Variants in DNAH12 observed in about 807,000 individuals in gnomAD.
DNAH12 encodes the protein axonemal beta dynein heavy chain 12.
A neutral mutation model predicts 371.5 loss-of-function variants in DNAH12; 285 were observed. The observed-to-expected ratio is 0.77, with a 90% CI of 0.70 to 0.85. DNAH12 has a LOEUF of 0.85. DNAH12 is among the 40% of genes least tolerant of loss of function. The pLI is 0.00. For missense variants in DNAH12, 3,611 were observed against 3,689.4 expected (o/e 0.98, Z 0.55); for synonymous variants, 1,200 against 1,213.0 (o/e 0.99, Z 0.22).
chr3:57,361,444 C>CACTATATATACATATATATATATA lies in DNAH12; in HGVS notation c.9360+2149_9360+2150insTATATATATATATGTATATATAGT, dbSNP rs1409626573. Reference sequence around the variant, plus strand: ...CACTATATATATATACACACACACACTATATATATATATATATATATATAT... The same window carrying CACTATATATACATATATATATATA: ...CACTATATATATATACACACACACACACTATATATACATATATATATATATATATATATATATATATATATATAT... On this transcript the variant is annotated intron_variant, in intron 58 of 73. Transcript: ENST00000495027. 4.3e-5 allele frequency among the ~76,000 whole-genome samples: 5 copies of CACTATATATACATATATATATATA among 116,722 alleles called. 1 individual carries two copies. Among genetic ancestry groups the CACTATATATACATATATATATATA allele is most frequent in the African/African-American group, 2.1e-4 (5 of 23,700 alleles). 76.6% of individuals were successfully genotyped at this position (116,722 alleles called of 152,430 possible).
chr3:57,429,585 T>C lies in DNAH12; in HGVS notation c.5064+106A>G, dbSNP rs139023878. ...CACTGTGTCTTATTCATCTTTATATTCCTAGTGCCTAACCCATTTTCTGAC... is the reference window on the plus strand; with the variant it reads ...CACTGTGTCTTATTCATCTTTATATCCCTAGTGCCTAACCCATTTTCTGAC... On this transcript the variant is annotated intron_variant, in intron 33 of 73. Transcript: ENST00000495027. 4.6e-5 allele frequency: 47 copies of C among 1,013,934 alleles called. 1 individual carries two copies. In the East Asian group the frequency reaches 1.1e-3, roughly 23 times the overall value. 62.8% of individuals were successfully genotyped at this position (1,013,934 alleles called of 1,614,324 possible).
rs551435420 is a variant in DNAH12 at position 57,510,505 on chromosome 3, T to C, written c.469+285A>G. ...AAATAAAAAAATTAGCTGGGCATAG[T>C]GGTGTGTGCCTGAAGTTCCAGGTAC... On this transcript the variant is annotated intron_variant, in intron 5 of 73. Transcript: ENST00000495027. Among the ~76,000 whole-genome samples, 99 of 151,882 alleles carry C rather than the reference T, an allele frequency of 6.5e-4. 1 individual carries two copies. The highest frequency in any genetic ancestry group is 1.1e-3 in the Non-Finnish European group (75 of 67,958).
chr3:57,547,714 AAAT>A (rs1312025428), upstream of DNAH12, among the ~76,000 whole-genome samples: 14 of 152,242 alleles, frequency 9.2e-5, no homozygotes, highest in Non-Finnish European at 8.8e-5. Flanking sequence ...CTCTGAAAGA[AAAT>A]AATAATAAAA....
At chr3:57,381,873 A>ATTT (rs1194851604) in intron 50 of DNAH12, among the ~76,000 whole-genome samples, 1 of 129,658 alleles carries the variant, frequency 7.7e-6, no homozygotes, top group African/African-American at 2.6e-5. Context: ...CCATATATAT[A>ATTT]TATTTTTTTT....
At position 57,403,507 on chromosome 3, in the gene DNAH12, A is replaced by G; in HGVS notation, c.6756-6T>C. The G allele has an allele frequency of 6.5e-7, 1 of 1,535,608 alleles. No individual in the cohort carries two copies. Among genetic ancestry groups the G allele is most frequent in the Middle Eastern group, 1.7e-4 (1 of 5,888 alleles). On this transcript the variant is annotated splice_region_variant and splice_polypyrimidine_tract_variant and intron_variant, in intron 42 of 73. Transcript: ENST00000495027. The stretch of plus-strand genomic sequence containing the variant: ...ATAAATGTTCCAAAACATACCTACC[A>G]CAAAAGAAAAATTTTATTAATGCAT...
intron 13 of DNAH12, among the ~76,000 whole-genome samples, chr3:57,481,017 G>T (rs1400185516): frequency 6.6e-6 from 1 of 152,182 alleles, no homozygotes. Context: ...CACAAGACAG[G>T]GATGCCCTCT....
At chr3:57,461,803 T>C in intron 18 of DNAH12, 114 bp from the exon 19 acceptor site, 1 of 841,806 alleles carries the variant, frequency 1.2e-6, no homozygotes, top group East Asian at 2.7e-5. Flanking sequence ...ATCATTTCCT[T>C]AAGATAATCT....
chr3:57,405,912 G>A lies in DNAH12; in HGVS notation c.6317C>T (p.Thr2106Ile). ...CAAGTTGAAAGTATAATGGGATTTT[G>A]TGGGAGTGGGTAAAAGATTTTCCAC... ...QSVENLLPTP[T>I]KSHYTFNLRD... The change falls in exon 41 of 74, where the codon ACA becomes ATA. Residue 2106 changes from threonine to isoleucine, a missense_variant. This residue lies in a region of DNAH12 where 2,266 missense variants were observed against 2,236.9 expected (regional missense o/e 1.01). Coordinates refer to ENST00000495027, the MANE Select transcript of DNAH12 (RefSeq NM_001366028.2). The A allele has an allele frequency of 3.2e-6, 5 of 1,547,740 alleles. No individual in the cohort carries two copies. Among genetic ancestry groups the A allele is most frequent in the Non-Finnish European group, 4.4e-6 (5 of 1,143,488 alleles).
chr3:57,386,863 A>G (rs1299597821), intron 46 of DNAH12, among the ~76,000 whole-genome samples: 2 of 152,212 alleles, frequency 1.3e-5, no homozygotes, highest in Non-Finnish European at 2.9e-5. Flanking sequence ...ATCAACAAAT[A>G]TGTCTAATAA....
chr3:57,362,965 T>C (rs1418178664), intron 58 of DNAH12, among the ~76,000 whole-genome samples: 4 of 151,964 alleles, frequency 2.6e-5, no homozygotes, highest in Non-Finnish European at 5.9e-5. Context: ...CTGAATGGTA[T>C]TGCCAAGGTT....
chr3:57,516,222 C>A (rs2153395894), intron 4 of DNAH12, among the ~76,000 whole-genome samples: 1 of 152,032 alleles, frequency 6.6e-6, no homozygotes, highest in East Asian at 1.9e-4. Flanking sequence ...GGCCACCATG[C>A]CCGGCTAATT....
At chr3:57,535,711 T>C (rs2069012495) in intron 2 of DNAH12, among the ~76,000 whole-genome samples, 1 of 150,836 alleles carries the variant, frequency 6.6e-6, no homozygotes, top group South Asian at 2.1e-4. Context: ...CCTGGCTAAT[T>C]TTGTATTTTT....
intron 69 of DNAH12, among the ~76,000 whole-genome samples, chr3:57,303,898 G>A (rs1399228482): frequency 6.6e-6 from 1 of 152,148 alleles, no homozygotes; most frequent in Non-Finnish European, 1.5e-5. Context: ...CACAAAAGAA[G>A]TGAAATTTAA....
intron 4 of DNAH12, among the ~76,000 whole-genome samples, chr3:57,520,512 G>A (rs992916179): frequency 6.8e-6 from 1 of 147,934 alleles, no homozygotes; most frequent in Non-Finnish European, 1.5e-5. Context: ...GCACCATCTC[G>A]GCTCACTGCA....
At chr3:57,552,436 G>A in the DNAH12 span, among the ~76,000 whole-genome samples, 2 of 151,924 alleles carry the variant, frequency 1.3e-5, no homozygotes, top group Non-Finnish European at 2.9e-5. Context: ...AAAAAGTTTT[G>A]GAAACTATGA....
chr3:57,524,556 TAAC>T (rs1200211448), intron 2 of DNAH12, among the ~76,000 whole-genome samples: 1 of 152,058 alleles, frequency 6.6e-6, no homozygotes, highest in Non-Finnish European at 1.5e-5. Context: ...TATTAAAATA[TAAC>T]AACAAATCTC....
intron 66 of DNAH12, among the ~76,000 whole-genome samples, chr3:57,313,827 A>G (rs1235852912): frequency 1.3e-5 from 2 of 152,120 alleles, no homozygotes; most frequent in African/African-American, 4.8e-5. Context: ...AGTAACAGCA[A>G]AGAATCTCTT....
intron 25 of DNAH12, among the ~76,000 whole-genome samples, chr3:57,448,037 ACCTCGGGCTCTTCCTTTTC>A (rs2065581289): frequency 6.6e-6 from 1 of 151,740 alleles, no homozygotes; most frequent in Non-Finnish European, 1.5e-5. Context: ...ATTGCTGAAA[ACCTCGGGCTCTTCCTTTTC>A]AATTTTAAGA....
intron 64 of DNAH12, among the ~76,000 whole-genome samples, 163 bp downstream of exon 64, chr3:57,322,844 C>T (rs1248660878): frequency 1.3e-5 from 2 of 152,214 alleles, no homozygotes; most frequent in Admixed American, 6.5e-5. Context: ...GCAGGAGAAT[C>T]GCTTGAACCC....
Sources: gnomAD v4.1 joint callset for allele counts (sites outside exome capture counted in the v4.1 genomes callset) on GRCh38, gnomAD v4.1.1 for gene constraint, gnomAD v4.1.1 regional missense constraint, MANE v1.5 for transcripts, NCBI Gene and HGNC (gene_info 2026-07-23, HGNC 2026-07-21) for gene names.